CCNA1: variants seen among roughly 807,000 people sequenced by gnomAD.
The protein encoded by CCNA1 is cyclin A1.
A neutral mutation model predicts 54.1 loss-of-function variants in CCNA1; 23 were observed. That is an observed-to-expected ratio of 0.42 (90% CI 0.31 to 0.60). The LOEUF (loss-of-function observed/expected upper bound fraction) is 0.60, where lower values mean the gene tolerates loss of function less well. Ranked by LOEUF, CCNA1 falls within the 20% of genes least tolerant of loss-of-function variation. CCNA1 has a pLI of 0.14. For synonymous variants in CCNA1, 208 were observed against 213.9 expected (o/e 0.97, Z 0.24); for missense variants, 450 against 556.7 (o/e 0.81, Z 1.93).
chr13:36,436,667 T>C (rs2055809178), intron 2 of CCNA1, among the ~76,000 whole-genome samples: 1 of 152,204 alleles, frequency 6.6e-6, no homozygotes, highest in Non-Finnish European at 1.5e-5. Flanking sequence ...TGATTGTGAC[T>C]CTTTGTTGTC....
chr13:36,437,692 G>T lies in CCNA1; in HGVS notation c.361G>T (p.Ala121Ser). ...TGCCTTCCCTCCAGCTGGAAAGAAA[G>T]CACTCCCTGACTGTGGGGTCCAAGA... The change falls in exon 3 of 9, where the codon GCA (alanine) becomes TCA (serine). Residue 121 changes from alanine to serine, a missense_variant. By Grantham distance (99) the Ala-to-Ser change is moderately conservative (BLOSUM62 1). Around this residue, in one of 6 missense-constraint regions of CCNA1, gnomAD observed 103 missense variants for 92.9 expected, o/e 1.11. Coordinates refer to ENST00000255465, the MANE Select transcript of CCNA1 (RefSeq NM_003914.4). 2 of 1,614,048 alleles carry T rather than the reference G, an allele frequency of 1.2e-6. No individual in the cohort carries two copies. The highest frequency in any genetic ancestry group is 8.5e-7 in the Non-Finnish European group (1 of 1,179,940).
chr13:36,438,065 A>G lies in CCNA1; in HGVS notation c.545-2A>G, dbSNP rs1332231759. On this transcript the variant is annotated splice_acceptor_variant, in intron 3 of 8. Coordinates refer to ENST00000255465, the MANE Select transcript of CCNA1 (RefSeq NM_003914.4). LOFTEE classifies it high-confidence loss of function. ...TTATCTGACAGTGTTGAACTCTTGC[A>G]GTTTCCCCTATGCTGGTAGATTCAT... 5.6e-6 allele frequency: 9 copies of G among 1,612,182 alleles called. No homozygotes were observed. The highest frequency in any genetic ancestry group is 2.5e-6 in the Non-Finnish European group (3 of 1,179,424).
In CCNA1 at chr13:36,440,150, A is replaced by C. The variant is rs756868331; in HGVS notation, c.1065A>C (p.Gln355His). 3.4e-5 allele frequency: 55 copies of C among 1,613,958 alleles called. No individual in the cohort carries two copies. The highest frequency in any genetic ancestry group is 2.3e-4 in the Admixed American group (14 of 59,980). The stretch of plus-strand genomic sequence containing the variant: ...TTCTCCTTCAGTACTTGAGGCGACA[A>C]GGAGTGTGCGTCAGGACTGAGAACC... The change falls in exon 6 of 9, where the codon CAA becomes CAC. Residue 355 changes from glutamine (Q) to histidine (H), a missense_variant. Gln to His is a conservative substitution (Grantham distance 24, BLOSUM62 0). This residue lies in a region of CCNA1 where 150 missense variants were observed against 219.7 expected (regional missense o/e 0.68). Transcript: ENST00000255465.
intron 2 of CCNA1, among the ~76,000 whole-genome samples, chr13:36,437,083 C>T (rs2055813825): frequency 2.0e-5 from 3 of 152,120 alleles, no homozygotes; most frequent in African/African-American, 7.2e-5. Flanking sequence ...TTATGTCATA[C>T]GTAAAGGTTC....
At chr13:36,440,332 T>G in intron 6 of CCNA1, 149 bp downstream of exon 6, 1 of 701,180 alleles carries the variant, frequency 1.4e-6, no homozygotes. Context: ...AGAGCTAATT[T>G]TAAGAACCCA....
chr13:36,436,660 T>G (rs1056688609), intron 2 of CCNA1, among the ~76,000 whole-genome samples: 1 of 152,236 alleles, frequency 6.6e-6, no homozygotes, highest in Non-Finnish European at 1.5e-5. Context: ...TAACTTATGA[T>G]TGTGACTCTT....
At position 36,438,698 on chromosome 13, in the gene CCNA1, G is replaced by C; in HGVS notation, c.724G>C (p.Gly242Arg). 1 of 1,614,138 alleles carries C rather than the reference G, an allele frequency of 6.2e-7. No individual in the cohort carries two copies. The change falls in exon 5 of 9, where the codon GGC becomes CGC. Residue 242 changes from glycine to arginine, a missense_variant. By Grantham distance (125) the Gly-to-Arg change is moderately radical. Coordinates refer to ENST00000255465, the MANE Select transcript of CCNA1 (RefSeq NM_003914.4). Reference sequence around the variant, plus strand: ...GAAGAAGCAGCCAGACATCACGGAAGGCATGCGCACGATTCTGGTGGACTG... The same window carrying C: ...GAAGAAGCAGCCAGACATCACGGAACGCATGCGCACGATTCTGGTGGACTG...
At chr13:36,440,972 A>C (rs1251454107) in intron 6 of CCNA1, 146 bp from the exon 7 acceptor site, 1 of 536,650 alleles carries the variant, frequency 1.9e-6, no homozygotes, top group Non-Finnish European at 3.3e-6. Context: ...ACCAATTACT[A>C]ACCCAGTAAG....
chr13:36,438,706 C>T lies in CCNA1; in HGVS notation c.732C>T (p.Arg244=). The T allele has an allele frequency of 6.2e-7, 1 of 1,614,102 alleles. No homozygotes were observed. Among genetic ancestry groups the T allele is most frequent in the South Asian group, 1.1e-5 (1 of 91,076 alleles). ...AGCCAGACATCACGGAAGGCATGCG[C>T]ACGATTCTGGTGGACTGGCTGGTGG... Residue 244 remains arginine (R), a synonymous_variant, in exon 5 of 9, where the codon CGC becomes CGT. Transcript: ENST00000255465.
At chr13:36,434,757 C>T (rs2055779290) in intron 2 of CCNA1, among the ~76,000 whole-genome samples, 1 of 151,624 alleles carries the variant, frequency 6.6e-6, no homozygotes, top group Admixed American at 6.6e-5. Context: ...CCACATGTCC[C>T]TGTGTGCCAT....
Position 36,432,497 on chromosome 13 carries a change from T to C in CCNA1, c.-125T>C. The C allele has an allele frequency of 1.9e-6, 1 of 534,862 alleles. No individual in the cohort carries two copies. Among genetic ancestry groups the C allele is most frequent in the East Asian group, 3.9e-5 (1 of 25,380 alleles). 33.1% of individuals were successfully genotyped at this position (534,862 alleles called of 1,614,324 possible). A position where few individuals can be genotyped will look rare whatever the true frequency, so the allele number is the denominator to read the frequency against. On this transcript the variant is annotated 5_prime_UTR_variant, in exon 1 of 9. Coordinates refer to ENST00000255465, the MANE Select transcript of CCNA1 (RefSeq NM_003914.4). ...CGCGATCCTCCAGTGCACTTGCCAG[T>C]TGTTCCGGACACATAGAAAGATAAC...
At position 36,438,795 on chromosome 13, in the gene CCNA1, G is replaced by T. The variant is rs2055841123; in HGVS notation, c.821G>T (p.Arg274Met). The T allele has an allele frequency of 6.2e-7, 1 of 1,614,116 alleles. No homozygotes were observed. Among genetic ancestry groups the T allele is most frequent in the Non-Finnish European group, 8.5e-7 (1 of 1,179,994 alleles). The stretch of plus-strand genomic sequence containing the variant: ...TATCTGGCTGTCAACTTCCTGGACA[G>T]GTTCCTTTCATGTATGTCTGTTCTG... The change falls in exon 5 of 9, where the codon AGG becomes ATG. Residue 274 changes from arginine (R) to methionine (M), a missense_variant. This residue lies in a region of CCNA1 where 150 missense variants were observed against 219.7 expected (regional missense o/e 0.68). Coordinates refer to ENST00000255465, the MANE Select transcript of CCNA1 (RefSeq NM_003914.4).
intron 2 of CCNA1, 116 bp from the exon 3 acceptor site, chr13:36,437,512 AT>A (rs2055819580): frequency 1.0e-6 from 1 of 979,318 alleles, no homozygotes; most frequent in African/African-American, 1.6e-5. Flanking sequence ...GCCGACATAG[AT>A]TTTTCAGTTT....
At chr13:36,434,215 A>G (rs1258627748) in intron 2 of CCNA1, among the ~76,000 whole-genome samples, 1 of 152,246 alleles carries the variant, frequency 6.6e-6, no homozygotes, top group African/African-American at 2.4e-5. Flanking sequence ...CTATGCTAAC[A>G]GGTAATGGTC....
chr13:36,432,355 GC>G (rs937761139), upstream of CCNA1: 1 of 299,710 alleles, frequency 3.3e-6, no homozygotes, highest in African/African-American at 2.2e-5. Flanking sequence ...GGTCCTTCCC[GC>G]CCCGCCCTTC....
rs2055724884 is a variant in CCNA1, at chr13:36,432,513, G to A, written c.-109G>A. 1 of 543,190 alleles carries A rather than the reference G, an allele frequency of 1.8e-6. No homozygotes were observed. The allele number at this position is 543,190 out of a possible 1,614,324, so 33.6% of individuals were successfully genotyped here. On this transcript the variant is annotated 5_prime_UTR_variant, in exon 1 of 9. Transcript: ENST00000255465. ...ACTTGCCAGTTGTTCCGGACACATA[G>A]AAAGATAACGACGGGAAGAGCGGGG...
intron 2 of CCNA1, among the ~76,000 whole-genome samples, chr13:36,433,910 A>AT (rs1238865055): frequency 6.6e-6 from 1 of 151,948 alleles, no homozygotes; most frequent in Non-Finnish European, 1.5e-5. Context: ...TTTCTTTGTT[A>AT]TTTTTTCCAC....
chr13:36,432,611 C>A lies in CCNA1; in HGVS notation c.-11C>A, dbSNP rs373951116. The A allele has an allele frequency of 4.5e-6, 7 of 1,562,198 alleles. No homozygotes were observed. The highest frequency in any genetic ancestry group is 6.1e-6 in the Non-Finnish European group (7 of 1,150,254). ...GGAGGCCGCAGCGCAGCACCCTGCT[C>A]GTCACTTGGGATGGAGACCGGCTTT... On this transcript the variant is annotated 5_prime_UTR_variant, in exon 1 of 9. Transcript: ENST00000255465.
chr13:36,440,271 C>A, intron 6 of CCNA1, 88 bp downstream of exon 6: 2 of 1,204,798 alleles, frequency 1.7e-6, no homozygotes, highest in Middle Eastern at 2.0e-4. Context: ...TTCTTTTTTC[C>A]TTTTCAGTTT....
Sources: allele counts gnomAD v4.1 joint callset (sites outside exome capture counted in the v4.1 genomes callset), GRCh38; gene constraint gnomAD v4.1.1; regional missense constraint gnomAD v4.1.1; transcripts MANE v1.5; gene names NCBI Gene and HGNC (gene_info 2026-07-23, HGNC 2026-07-21).